Variants in FOXP2 observed in about 807,000 individuals in gnomAD.
The protein encoded by FOXP2 is forkhead box P2, also known as forkhead box protein P2.
In FOXP2, 12 loss-of-function variants were observed where a neutral mutation model predicts 115.8. That is an observed-to-expected ratio of 0.10 (90% CI 0.07 to 0.17). The LOEUF (loss-of-function observed/expected upper bound fraction) is 0.17, where lower values mean the gene tolerates loss of function less well. Ranked by LOEUF, FOXP2 falls within the 10% of genes least tolerant of loss-of-function variation. The probability of loss-of-function intolerance (pLI) is 1.00; values close to 1 mark genes in which losing one functional copy is unlikely to be tolerated. For missense variants in FOXP2, 629 were observed against 843.5 expected (o/e 0.75, Z 3.15); for synonymous variants, 328 against 297.7 (o/e 1.10, Z -1.05).
intron 1 of FOXP2, among the ~76,000 whole-genome samples, chr7:114,089,118 TCA>T (rs1338453277): frequency 1.3e-5 from 2 of 152,042 alleles, no homozygotes; most frequent in Admixed American, 6.6e-5. Flanking sequence ...TATTCAGTCG[TCA>T]GTCTAGTTAA....
chr7:114,583,572 A>G (rs1801975955), intron 3 of FOXP2, among the ~76,000 whole-genome samples: 1 of 152,118 alleles, frequency 6.6e-6, no homozygotes, highest in Non-Finnish European at 1.5e-5. Flanking sequence ...GTACTGATCT[A>G]TCTTTCTTAG....
At chr7:114,367,814 A>G (rs895802034) in intron 2 of FOXP2, among the ~76,000 whole-genome samples, 2 of 152,210 alleles carry the variant, frequency 1.3e-5, no homozygotes, top group Non-Finnish European at 2.9e-5. Flanking sequence ...AGATAAGAGT[A>G]TATCTGTAAG....
chr7:114,111,424 A>G (rs1791264930), intron 1 of FOXP2, among the ~76,000 whole-genome samples: 1 of 152,140 alleles, frequency 6.6e-6, no homozygotes, highest in Admixed American at 6.5e-5. Context: ...GAGTAAGCCC[A>G]TGCCAGATCA....
At chr7:114,155,110 C>A (rs1010816529) in intron 1 of FOXP2, among the ~76,000 whole-genome samples, 1 of 152,264 alleles carries the variant, frequency 6.6e-6, no homozygotes, top group South Asian at 2.1e-4. Context: ...CTGTTTCTGA[C>A]TCTTAACAAC....
chr7:114,487,315 G>T lies in FOXP2; in HGVS notation c.169-47302G>T, dbSNP rs143965094. ...ACCCTTTTTATCCATGACTGGAGCC[G>T]CTGGGATGCAGGGCACCAAGTCCCT... On this transcript the variant is annotated intron_variant, in intron 2 of 16. Transcript: ENST00000350908. Among the ~76,000 whole-genome samples, 232 of 152,240 alleles carry T rather than the reference G, an allele frequency of 1.5e-3. 2 individuals are homozygous for T. Among genetic ancestry groups the T allele is most frequent in the African/African-American group, 5.1e-3 (212 of 41,550 alleles).
chr7:114,413,051 C>T (rs1793204097), upstream of FOXP2, among the ~76,000 whole-genome samples: 3 of 152,086 alleles, frequency 2.0e-5, no homozygotes, highest in Admixed American at 2.0e-4. Flanking sequence ...ATTGCTACTA[C>T]ACTGCTTTCT....
chr7:114,446,840 C>G (rs1433076590), intron 2 of FOXP2, among the ~76,000 whole-genome samples: 1 of 151,752 alleles, frequency 6.6e-6, no homozygotes, highest in African/African-American at 2.4e-5. Context: ...CCTCCACCTC[C>G]TGGGTTCAAG....
At position 114,657,943 on chromosome 7, in the gene FOXP2, C is replaced by T; in HGVS notation, c.1267-123C>T. 4 of 992,522 alleles carry T rather than the reference C, an allele frequency of 4.0e-6. No homozygotes were observed. The South Asian group carries it at 4.0e-5, about 10-fold the overall frequency. 61.5% of individuals were successfully genotyped at this position (992,522 alleles called of 1,614,324 possible). A position where few individuals can be genotyped will look rare whatever the true frequency, so the allele number is the denominator to read the frequency against. The stretch of plus-strand genomic sequence containing the variant: ...TGTAATTAGTTGAGATTGGCTGCTT[C>T]CTTTTGCAGCTTATTAGTGGCAACA... On this transcript the variant is annotated intron_variant, in intron 10 of 16. Coordinates refer to ENST00000350908, the MANE Select transcript of FOXP2 (RefSeq NM_014491.4).
intron 8 of FOXP2, among the ~76,000 whole-genome samples, chr7:114,651,511 A>G (rs948113189): frequency 6.6e-6 from 1 of 152,148 alleles, no homozygotes; most frequent in Admixed American, 6.6e-5. Flanking sequence ...TATAGAAATA[A>G]TAATGGTAGA....
chr7:114,480,754 CGT>C, intron 2 of FOXP2, among the ~76,000 whole-genome samples: 1 of 149,388 alleles, frequency 6.7e-6, no homozygotes, highest in South Asian at 2.1e-4. Flanking sequence ...TGTATGTATA[CGT>C]ATATATATAC....
At chr7:114,375,184 A>G (rs1278172390) in intron 2 of FOXP2, among the ~76,000 whole-genome samples, 2 of 152,226 alleles carry the variant, frequency 1.3e-5, no homozygotes, top group Non-Finnish European at 2.9e-5. Context: ...ATACAGCATC[A>G]TTAATAAACA....
intron 2 of FOXP2, among the ~76,000 whole-genome samples, chr7:114,342,335 C>A (rs1791236820): frequency 6.6e-6 from 1 of 151,220 alleles, no homozygotes; most frequent in Non-Finnish European, 1.5e-5. Context: ...TTATATAATA[C>A]CTCTTAAATA....
intron 1 of FOXP2, among the ~76,000 whole-genome samples, chr7:114,179,700 G>T (rs1241581158): frequency 1.3e-5 from 2 of 151,910 alleles, no homozygotes; most frequent in Non-Finnish European, 2.9e-5. Flanking sequence ...ATCTTTTAAG[G>T]CTATACTTGA....
intron 2 of FOXP2, among the ~76,000 whole-genome samples, chr7:114,534,173 A>G (rs898993942): frequency 2.6e-5 from 4 of 151,928 alleles, no homozygotes; most frequent in Non-Finnish European, 4.4e-5. Flanking sequence ...TTCACTTTCA[A>G]GATAATCTGA....
intron 2 of FOXP2, among the ~76,000 whole-genome samples, chr7:114,462,366 C>CTTTTTT (rs1170387045): frequency 0.052 from 4,651 of 89,222 alleles, 188 homozygotes; most frequent in South Asian, 0.09. Flanking sequence ...AGCATAATAT[C>CTTTTTT]TTTTTTTTTT....
At chr7:114,184,660 A>G (rs1028809665) in intron 1 of FOXP2, among the ~76,000 whole-genome samples, 1 of 152,154 alleles carries the variant, frequency 6.6e-6, no homozygotes, top group Non-Finnish European at 1.5e-5. Context: ...GACATGCAGC[A>G]CCCAGAATTC....
At chr7:114,427,262 T>A (rs1007109909) in intron 2 of FOXP2, among the ~76,000 whole-genome samples, 2 of 151,656 alleles carry the variant, frequency 1.3e-5, no homozygotes, top group African/African-American at 4.8e-5. Context: ...AAAGAGCACT[T>A]TTTGTGTTCT....
At chr7:114,256,226 C>A (rs1795608845) in intron 1 of FOXP2, among the ~76,000 whole-genome samples, 1 of 152,086 alleles carries the variant, frequency 6.6e-6, no homozygotes. Context: ...CCTCAGCCTC[C>A]CGAGTAGCTG....
intron 1 of FOXP2, among the ~76,000 whole-genome samples, chr7:114,116,552 A>C (rs1346015663): frequency 6.6e-6 from 1 of 152,140 alleles, no homozygotes; most frequent in African/African-American, 2.4e-5. Flanking sequence ...TTAAAATGAC[A>C]GCTGTAAATG....
Sources: gnomAD v4.1 joint callset for allele counts (sites outside exome capture counted in the v4.1 genomes callset) on GRCh38, gnomAD v4.1.1 for gene constraint, MANE v1.5 for transcripts, NCBI Gene and HGNC (gene_info 2026-07-23, HGNC 2026-07-21) for gene names.